FSTL5: variants seen among roughly 807,000 people sequenced by gnomAD.
FSTL5 encodes the protein follistatin-related protein 5.
In FSTL5, 62 loss-of-function variants were observed where a neutral mutation model predicts 89.1. The observed-to-expected ratio is 0.70, with a 90% confidence interval of 0.57 to 0.86. The LOEUF (loss-of-function observed/expected upper bound fraction) is 0.86, where lower values mean the gene tolerates loss of function less well. Among genes scored for constraint, FSTL5 ranks in the 40% least tolerant of loss-of-function variants. The pLI, the probability that FSTL5 is intolerant of heterozygous loss-of-function variation, is 0.00. For missense variants in FSTL5, 1,057 were observed against 1,001.6 expected, an observed-to-expected ratio of 1.06 and a Z score of -0.75; for synonymous variants, 383 against 346.2, an observed-to-expected ratio of 1.11 and a Z score of -1.18.
intron 4 of FSTL5, among the ~76,000 whole-genome samples, chr4:161,802,962 T>C (rs1046839010): frequency 1.3e-5 from 2 of 151,946 alleles, no homozygotes; most frequent in African/African-American, 4.8e-5. Flanking sequence ...ACAGAAATAA[T>C]TAAAATATAA....
chr4:161,765,733 C>T (rs558660342), intron 5 of FSTL5, among the ~76,000 whole-genome samples: 1 of 151,610 alleles, frequency 6.6e-6, no homozygotes, highest in Non-Finnish European at 1.5e-5. Context: ...ATAAGTAGTT[C>T]TTTTCATTAT....
intron 4 of FSTL5, among the ~76,000 whole-genome samples, chr4:161,876,241 C>T (rs1049940643): frequency 2.6e-5 from 4 of 152,056 alleles, no homozygotes; most frequent in African/African-American, 7.2e-5. Context: ...TTTAGGAAAC[C>T]TTTATCACTC....
chr4:162,139,983 T>C (rs993371368), intron 1 of FSTL5, among the ~76,000 whole-genome samples: 1 of 152,104 alleles, frequency 6.6e-6, no homozygotes, highest in Admixed American at 6.5e-5. Flanking sequence ...TAAGCAGGAA[T>C]TTTGTAAAAA....
intron 13 of FSTL5, among the ~76,000 whole-genome samples, chr4:161,465,549 G>A (rs190121088): frequency 9.9e-4 from 150 of 152,068 alleles, no homozygotes; most frequent in South Asian, 3.7e-3. Flanking sequence ...AGTTTCCCAA[G>A]CAGCTACAGA....
At chr4:161,394,598 T>C (rs1475782492) in intron 15 of FSTL5, among the ~76,000 whole-genome samples, 1 of 152,160 alleles carries the variant, frequency 6.6e-6, no homozygotes, top group Admixed American at 6.5e-5. Context: ...TTAATAACCA[T>C]GTAGTAAAGG....
intron 4 of FSTL5, among the ~76,000 whole-genome samples, chr4:161,889,642 GAATA>G (rs1302538456): frequency 6.6e-6 from 1 of 151,972 alleles, no homozygotes; most frequent in East Asian, 1.9e-4. Context: ...AAACTCTGTC[GAATA>G]AATAAATAAA....
intron 6 of FSTL5, among the ~76,000 whole-genome samples, chr4:161,750,653 A>T (rs559525752): frequency 6.6e-6 from 1 of 152,280 alleles, no homozygotes; most frequent in Non-Finnish European, 1.5e-5. Context: ...AATTTTAAAA[A>T]TTATGATTTT....
In FSTL5 at chr4:161,857,473, T is replaced by C. The variant is rs1191866082; in HGVS notation, c.409+62931A>G. Among the ~76,000 whole-genome samples the C allele has an allele frequency of 2.6e-5, 4 of 152,284 alleles. No homozygotes were observed. In the East Asian group the frequency reaches 7.7e-4, roughly 29 times the overall value. On this transcript the variant is annotated intron_variant, in intron 4 of 15. Coordinates refer to ENST00000306100, the MANE Select transcript of FSTL5 (RefSeq NM_020116.5). Reference sequence around the variant, plus strand: ...ATTCTTAACTGCTACATTATACTTATCTGGCTGGAATGCTACCCCTTCCAA... The same window carrying C: ...ATTCTTAACTGCTACATTATACTTACCTGGCTGGAATGCTACCCCTTCCAA...
intron 12 of FSTL5, among the ~76,000 whole-genome samples, chr4:161,497,326 T>C (rs72683733): frequency 0.3 from 44,893 of 151,864 alleles, 7,644 homozygotes; most frequent in Non-Finnish European, 0.4. Flanking sequence ...ATAAGAAATA[T>C]CTTTCATGTC....
intron 5 of FSTL5, among the ~76,000 whole-genome samples, chr4:161,766,167 T>C (rs1348516272): frequency 6.6e-6 from 1 of 152,200 alleles, no homozygotes; most frequent in Non-Finnish European, 1.5e-5. Context: ...TAAATCAATA[T>C]ACTCAACGCA....
intron 3 of FSTL5, among the ~76,000 whole-genome samples, chr4:161,992,581 G>C (rs1002509810): frequency 6.6e-6 from 1 of 151,758 alleles, no homozygotes; most frequent in Non-Finnish European, 1.5e-5. Flanking sequence ...GGTGGTTCAC[G>C]CCTGTAATCC....
intron 15 of FSTL5, among the ~76,000 whole-genome samples, chr4:161,417,474 T>C (rs564060575): frequency 1.4e-4 from 21 of 152,368 alleles, no homozygotes; most frequent in Middle Eastern, 6.8e-3. Flanking sequence ...TATTCTTTCC[T>C]GGCATTTACA....
At chr4:162,056,846 C>T (rs1738561809) in intron 2 of FSTL5, among the ~76,000 whole-genome samples, 1 of 152,038 alleles carries the variant, frequency 6.6e-6, no homozygotes, top group South Asian at 2.1e-4. Flanking sequence ...CATATTATTG[C>T]ATATCTGAAA....
chr4:162,085,658 T>C (rs1730289010), intron 2 of FSTL5, among the ~76,000 whole-genome samples: 1 of 152,040 alleles, frequency 6.6e-6, no homozygotes, highest in Non-Finnish European at 1.5e-5. Flanking sequence ...GAAATGTTAT[T>C]GAGAGGGATG....
At chr4:161,414,512 T>C (rs921268435) in intron 15 of FSTL5, among the ~76,000 whole-genome samples, 1 of 152,210 alleles carries the variant, frequency 6.6e-6, no homozygotes, top group Non-Finnish European at 1.5e-5. Context: ...CTCTAGAATC[T>C]TTGGTGTAAT....
At chr4:162,063,109 T>C (rs1210267943) in intron 2 of FSTL5, among the ~76,000 whole-genome samples, 3 of 151,858 alleles carry the variant, frequency 2.0e-5, no homozygotes, top group African/African-American at 7.2e-5. Flanking sequence ...ATTTAATCAA[T>C]TCATAGGTCC....
At chr4:162,013,126 A>G (rs1736816138) in intron 3 of FSTL5, among the ~76,000 whole-genome samples, 1 of 151,812 alleles carries the variant, frequency 6.6e-6, no homozygotes, top group Non-Finnish European at 1.5e-5. Context: ...GAAGGTTGTA[A>G]TGAGCCGAGA....
At chr4:162,046,190 C>T (rs2111241115) in intron 2 of FSTL5, among the ~76,000 whole-genome samples, 1 of 152,190 alleles carries the variant, frequency 6.6e-6, no homozygotes, top group East Asian at 1.9e-4. Flanking sequence ...TAGGGGTTAA[C>T]TATAAATAAC....
chr4:161,751,541 A>G (rs1382560205), intron 6 of FSTL5, among the ~76,000 whole-genome samples: 1 of 152,150 alleles, frequency 6.6e-6, no homozygotes, highest in Non-Finnish European at 1.5e-5. Flanking sequence ...TAATCCCAGC[A>G]CTTTGGGAGG....
Sources: gnomAD v4.1 joint callset for allele counts (sites outside exome capture counted in the v4.1 genomes callset) on GRCh38, gnomAD v4.1.1 for gene constraint, MANE v1.5 for transcripts, NCBI Gene and HGNC (gene_info 2026-07-23, HGNC 2026-07-21) for gene names.